FGF14: variants seen among roughly 807,000 people sequenced by gnomAD.
The protein encoded by FGF14 is fibroblast growth factor 14.
Under a neutral mutation model 25.5 loss-of-function variants are expected in FGF14, and 5 were observed. The ratio of observed to expected loss-of-function variants is 0.20; its 90% CI spans 0.10 to 0.41. The LOEUF is 0.41. Among genes scored for constraint, FGF14 ranks in the 10% least tolerant of loss-of-function variants. The probability of loss-of-function intolerance (pLI) is 1.00; values close to 1 mark genes in which losing one functional copy is unlikely to be tolerated. For missense variants in FGF14, 222 were observed against 320.1 expected, an observed-to-expected ratio of 0.69 and a Z score of 2.34; for synonymous variants, 138 against 118.3, an observed-to-expected ratio of 1.17 and a Z score of -1.08.
At chr13:102,173,874 C>T (rs891745092) in intron 1 of FGF14, among the ~76,000 whole-genome samples, 1 of 151,982 alleles carries the variant, frequency 6.6e-6, no homozygotes, top group Non-Finnish European at 1.5e-5. Context: ...TTAGTTACAC[C>T]TGGAAGAAGA....
intron 1 of FGF14, among the ~76,000 whole-genome samples, chr13:102,380,687 A>C (rs2058163040): frequency 6.6e-6 from 1 of 152,288 alleles, no homozygotes; most frequent in African/African-American, 2.4e-5. Flanking sequence ...AACCAGGATA[A>C]ATTTAAATAC....
At chr13:101,933,973 A>G (rs2034936766) in intron 1 of FGF14, among the ~76,000 whole-genome samples, 2 of 152,196 alleles carry the variant, frequency 1.3e-5, no homozygotes, top group South Asian at 4.1e-4. Context: ...CAGGAAACAA[A>G]TTTTAACACA....
At chr13:102,054,432 T>C (rs2042343522) in intron 1 of FGF14, among the ~76,000 whole-genome samples, 1 of 152,234 alleles carries the variant, frequency 6.6e-6, no homozygotes, top group Non-Finnish European at 1.5e-5. Flanking sequence ...TACCACTGTT[T>C]GGCCATCTCC....
chr13:101,758,679 C>G (rs181796220), intron 3 of FGF14, among the ~76,000 whole-genome samples: 4 of 152,218 alleles, frequency 2.6e-5, no homozygotes, highest in Admixed American at 2.6e-4. Flanking sequence ...CTTTCTAGTT[C>G]TCTATGTGGT....
Position 101,930,056 on chromosome 13 carries a change from G to A in FGF14, c.209-54760C>T, listed in dbSNP as rs535080944. Among the ~76,000 whole-genome samples, 8 of 152,230 alleles carry A rather than the reference G, an allele frequency of 5.3e-5. No individual in the cohort carries two copies. In the South Asian group the frequency reaches 1.0e-3, roughly 20 times the overall value. On this transcript the variant is annotated intron_variant, in intron 1 of 4. Coordinates refer to the FGF14 transcript ENST00000376131. ...CAAATTTTAATTCATCCCATTACTC[G>A]TTTTAACGTGAGAGCTTATTCTATT... is the stretch of plus-strand genomic sequence containing the variant.
At chr13:102,253,621 T>C (rs528946198) in intron 1 of FGF14, among the ~76,000 whole-genome samples, 1 of 152,346 alleles carries the variant, frequency 6.6e-6, no homozygotes, top group East Asian at 1.9e-4. Context: ...AGGTTGCCTG[T>C]TCACTCTGAT....
chr13:101,916,498 T>G lies in FGF14; in HGVS notation c.148A>C (p.Lys50Gln). ...TTCTTGAGGCCGAAGATGCGCACTT[T>G]GGAGAAGATATCCACCAGGTTGCCG... ...CNGNLVDIFSKVRIFGLKKRR... is the reference protein window; with the variant it reads ...CNGNLVDIFSQVRIFGLKKRR... The change falls in exon 1 of 5, where the codon AAA becomes CAA. Residue 50 changes from lysine to glutamine, a missense_variant. Physicochemically the swap from Lys to Gln is moderately conservative, Grantham distance 53. This residue lies in a region of FGF14 where 80 missense variants were observed against 72.2 expected (regional missense o/e 1.11). Coordinates refer to ENST00000376143, the MANE Select transcript of FGF14 (RefSeq NM_004115.4). 1.2e-6 allele frequency: 2 copies of G among 1,613,898 alleles called. No individual in the cohort carries two copies. Among genetic ancestry groups the G allele is most frequent in the Non-Finnish European group, 1.7e-6 (2 of 1,179,924 alleles).
intron 1 of FGF14, among the ~76,000 whole-genome samples, chr13:102,016,019 A>G (rs2139830377): frequency 6.6e-6 from 1 of 152,234 alleles, no homozygotes; most frequent in Admixed American, 6.5e-5. Flanking sequence ...AGAGAATTTT[A>G]TGAATTTGGT....
At chr13:101,835,100 ACTTCT>A (rs938163021) in intron 3 of FGF14, among the ~76,000 whole-genome samples, 6 of 152,050 alleles carry the variant, frequency 3.9e-5, no homozygotes, top group African/African-American at 1.4e-4. Flanking sequence ...TCTACATTCA[ACTTCT>A]CTTATTATTT....
intron 1 of FGF14, among the ~76,000 whole-genome samples, chr13:102,313,479 G>GA (rs1566929989): frequency 6.6e-6 from 1 of 152,086 alleles, no homozygotes; most frequent in African/African-American, 2.4e-5. Context: ...CATCACTGAT[G>GA]AAACAGTCCC....
At chr13:102,238,041 T>C (rs554929726) in intron 1 of FGF14, among the ~76,000 whole-genome samples, 2 of 152,346 alleles carry the variant, frequency 1.3e-5, no homozygotes, top group Non-Finnish European at 1.5e-5. Flanking sequence ...TTTATGTACC[T>C]GGGATGTGCT....
chr13:102,306,023 T>C (rs1296234007), intron 1 of FGF14, among the ~76,000 whole-genome samples: 1 of 152,184 alleles, frequency 6.6e-6, no homozygotes, highest in Non-Finnish European at 1.5e-5. Context: ...TTAGCATTCA[T>C]CCCCTAATGA....
In FGF14 at chr13:101,721,119, T is replaced by C. The variant is rs142833116; in HGVS notation, c.*1712A>G. The C allele has an allele frequency of 3.7e-4, 57 of 152,258 alleles. No individual in the cohort carries two copies. The highest frequency in any genetic ancestry group is 1.4e-3 in the African/African-American group (57 of 41,560). The allele number at this position is 152,258 out of a possible 1,614,324, so 9.4% of individuals were successfully genotyped here. A position where few individuals can be genotyped will look rare whatever the true frequency, so the allele number is the denominator to read the frequency against. On this transcript the variant is annotated 3_prime_UTR_variant, in exon 5 of 5. Coordinates refer to ENST00000376143, the MANE Select transcript of FGF14 (RefSeq NM_004115.4). ...GAGGCCAGTACATTGATCCCACATATAATTTTCAATAAATGAGGTTCAGTT... is the reference window on the plus strand; with the variant it reads ...GAGGCCAGTACATTGATCCCACATACAATTTTCAATAAATGAGGTTCAGTT...
chr13:102,363,326 TC>T (rs1249049607), intron 1 of FGF14, among the ~76,000 whole-genome samples: 1 of 152,198 alleles, frequency 6.6e-6, no homozygotes, highest in Non-Finnish European at 1.5e-5. Context: ...AAGAAAATAT[TC>T]ATTTGGGATG....
At chr13:102,278,285 A>G in intron 1 of FGF14, among the ~76,000 whole-genome samples, 1 of 152,232 alleles carries the variant, frequency 6.6e-6, no homozygotes, top group East Asian at 1.9e-4. Context: ...TTTGTGCAGA[A>G]TTAGAGCTGA....
upstream of FGF14, among the ~76,000 whole-genome samples, chr13:101,920,981 T>TGATC (rs2033958773): frequency 6.6e-6 from 1 of 152,198 alleles, no homozygotes; most frequent in Non-Finnish European, 1.5e-5. Context: ...GAAGATGCTA[T>TGATC]GATCCTTTTG....
chr13:102,209,905 T>TA (rs951863903), intron 1 of FGF14, among the ~76,000 whole-genome samples: 1 of 152,076 alleles, frequency 6.6e-6, no homozygotes, highest in Non-Finnish European at 1.5e-5. Context: ...AATTCATTTA[T>TA]AAAAACAATT....
At chr13:101,807,630 T>A (rs574456075) in intron 3 of FGF14, among the ~76,000 whole-genome samples, 7 of 152,012 alleles carry the variant, frequency 4.6e-5, no homozygotes, top group Non-Finnish European at 1.0e-4. Context: ...TAGGTACAAT[T>A]CCCTGACCCT....
At chr13:102,048,538 G>A (rs191408199) in intron 1 of FGF14, among the ~76,000 whole-genome samples, 185 of 152,226 alleles carry the variant, frequency 1.2e-3, no homozygotes, top group Non-Finnish European at 1.7e-3. Flanking sequence ...GCCCGCTGTC[G>A]TGTATGACAG....
Sources: allele counts gnomAD v4.1 joint callset (sites outside exome capture counted in the v4.1 genomes callset), GRCh38; gene constraint gnomAD v4.1.1; regional missense constraint gnomAD v4.1.1; transcripts MANE v1.5; gene names NCBI Gene and HGNC (gene_info 2026-07-23, HGNC 2026-07-21).